ASB11: variants seen among roughly 807,000 people sequenced by gnomAD.
ASB11 encodes ankyrin repeat and SOCS box protein 11.
ASB11 carries 17 observed loss-of-function variants against 20.1 expected under a neutral mutation model. The ratio of observed to expected loss-of-function variants is 0.85; its 90% CI spans 0.58 to 1.27. The LOEUF is 1.27. Among genes scored for constraint, ASB11 ranks in the 50% most tolerant of loss-of-function variants. ASB11 has a pLI of 0.00. For synonymous variants in ASB11, 107 were observed against 105.6 expected, an observed-to-expected ratio of 1.01 and a Z score of -0.08; for missense variants, 259 against 256.9, an observed-to-expected ratio of 1.01 and a Z score of -0.06.
At chrX:15,295,562 G>A (rs1920958986) in intron 3 of ASB11, among the ~76,000 whole-genome samples, 1 of 111,592 alleles carries the variant, frequency 9.0e-6, no homozygotes, top group African/African-American at 3.3e-5. Flanking sequence ...AACCCAAGAT[G>A]AGGAGCAGGT....
intron 5 of ASB11, 63 bp downstream of exon 5, chrX:15,289,441 T>C (rs5935930): frequency 0.4 from 434,868 of 1,081,558 alleles, 62,198 homozygotes; most frequent in South Asian, 0.57. Context: ...AACTTCATCT[T>C]TGAAGCTGTA....
intron 1 of ASB11, among the ~76,000 whole-genome samples, chrX:15,309,132 G>A (rs1326421101): frequency 1.8e-5 from 2 of 110,785 alleles, no homozygotes; most frequent in Non-Finnish European, 3.8e-5. Context: ...GCCCAGGCTG[G>A]TCTTGAACTC....
intron 6 of ASB11, among the ~76,000 whole-genome samples, chrX:15,284,402 T>C (rs1927315356): frequency 9.0e-6 from 1 of 111,255 alleles, no homozygotes; most frequent in African/African-American, 3.3e-5. Flanking sequence ...AAGTTCCACC[T>C]GCGTGGTGAC....
At chrX:15,298,684 T>A (rs1351552091) in intron 2 of ASB11, among the ~76,000 whole-genome samples, 2 of 111,482 alleles carry the variant, frequency 1.8e-5, no homozygotes, top group African/African-American at 6.5e-5. Flanking sequence ...CAGGCTGGCA[T>A]GGGCCTGCTG....
chrX:15,283,785 C>CA, intron 6 of ASB11, among the ~76,000 whole-genome samples, 156 bp from the exon 7 acceptor site: 1 of 111,625 alleles, frequency 9.0e-6, no homozygotes, highest in Middle Eastern at 4.7e-3. Flanking sequence ...ACACTAAATA[C>CA]AGACAGCAGA....
At chrX:15,293,786 A>C (rs1004713209) in intron 3 of ASB11, among the ~76,000 whole-genome samples, 18 of 108,195 alleles carry the variant, frequency 1.7e-4, no homozygotes, top group African/African-American at 5.7e-4. Context: ...CCAAAGGGAC[A>C]TAGAAAATAG....
At chrX:15,289,234 G>A (rs773954903) in intron 5 of ASB11, among the ~76,000 whole-genome samples, 2 of 112,580 alleles carry the variant, frequency 1.8e-5, no homozygotes, top group South Asian at 7.3e-4. Context: ...TTCTTGCTGC[G>A]TATGGATAAG....
chrX:15,294,420 G>T (rs142502781), intron 3 of ASB11, among the ~76,000 whole-genome samples: 10,175 of 112,021 alleles, frequency 0.091, 376 homozygotes, highest in Middle Eastern at 0.17. Context: ...ATCCAGGCTG[G>T]AGTGCAGTGT....
At chrX:15,292,349 T>C (rs1902297307) in intron 4 of ASB11, among the ~76,000 whole-genome samples, 2 of 111,693 alleles carry the variant, frequency 1.8e-5, no homozygotes, top group Admixed American at 1.9e-4. Context: ...TATTCTAGAG[T>C]GTTTTAACTT....
At chrX:15,291,925 C>T (rs1008594557) in intron 4 of ASB11, 5 of 105,212 alleles carry the variant, frequency 4.8e-5, no homozygotes, top group Non-Finnish European at 9.7e-5. Flanking sequence ...ATCCCAGCTA[C>T]TTGGGAGGCT....
At chrX:15,314,985 CA>C (rs975460723) in intron 1 of ASB11, among the ~76,000 whole-genome samples, 1 of 110,574 alleles carries the variant, frequency 9.0e-6, no homozygotes, top group African/African-American at 3.3e-5. Context: ...CAAATGACAG[CA>C]AAAAAAATAC....
At chrX:15,304,141 A>G (rs1921158863) in intron 1 of ASB11, among the ~76,000 whole-genome samples, 1 of 113,049 alleles carries the variant, frequency 8.8e-6, no homozygotes, top group African/African-American at 3.2e-5. Flanking sequence ...TGATGGTGTT[A>G]AAAACTCAGG....
At chrX:15,304,835 A>T (rs775054234) in intron 1 of ASB11, among the ~76,000 whole-genome samples, 8 of 112,008 alleles carry the variant, frequency 7.1e-5, no homozygotes, top group Admixed American at 6.6e-4. Flanking sequence ...AGATTATGCC[A>T]CTGTACTCTG....
At chrX:15,297,547 A>T (rs761123090) in intron 3 of ASB11, 27 bp downstream of exon 3, 152 of 1,106,030 alleles carry the variant, frequency 1.4e-4, no homozygotes, top group Non-Finnish European at 1.8e-4. Flanking sequence ...GGCCAGACAG[A>T]CCCAAGTGGG....
intron 2 of ASB11, among the ~76,000 whole-genome samples, chrX:15,297,931 C>A (rs1020839531): frequency 1.8e-5 from 2 of 112,114 alleles, no homozygotes; most frequent in Admixed American, 9.5e-5. Context: ...AATATTAGTA[C>A]CATAGAGAGA....
At chrX:15,290,432 G>A (rs1191887573) in intron 4 of ASB11, among the ~76,000 whole-genome samples, 1 of 111,812 alleles carries the variant, frequency 8.9e-6, no homozygotes, top group African/African-American at 3.3e-5. Context: ...ACAGTACTTT[G>A]GTTAGTCTGA....
Position 15,289,571 on chromosome X carries a change from G to A in ASB11, c.588C>T (p.Leu196=), listed in dbSNP as rs905915994. 8.3e-6 allele frequency: 10 copies of A among 1,206,761 alleles called. No homozygotes were observed. Among genetic ancestry groups the A allele is most frequent in the African/African-American group, 5.3e-5 (3 of 57,000 alleles). The change falls in exon 5 of 7, where the codon CTC becomes CTT. Residue 196 remains leucine, a synonymous_variant. Coordinates refer to ENST00000480796, the MANE Select transcript of ASB11 (RefSeq NM_080873.3). ...NVNIDHEVPQ[L]GTPLYVACTY... is the part of the protein sequence containing the mutation. The stretch of plus-strand genomic sequence containing the variant: ...TGCAGGCCACATATAGGGGAGTTCC[G>A]AGCTGAGGCACCTCATGGTCAATGT...
chrX:15,297,665 A>G lies in ASB11; in HGVS notation c.278T>C (p.Leu93Pro), dbSNP rs1920980700. 1.7e-6 allele frequency: 2 copies of G among 1,207,046 alleles called. No individual in the cohort carries two copies. The highest frequency in any genetic ancestry group is 2.2e-6 in the Non-Finnish European group (2 of 892,551). Residue 93 changes from leucine (L) to proline (P), a missense_variant, in exon 3 of 7, where the codon CTT becomes CCT. Coordinates refer to ENST00000480796, the MANE Select transcript of ASB11 (RefSeq NM_080873.3). Reference protein sequence around the residue: ...TLIAQGVNVNLVTINRVSSLH... With the variant: ...TLIAQGVNVNPVTINRVSSLH... The stretch of plus-strand genomic sequence containing the variant: ...AGAAGACACCCGGTTAATTGTCACA[A>G]GGTTCACATTGACACCCTATAATTT...
At position 15,305,952 on chromosome X, in the gene ASB11, T is replaced by C. The variant is rs752795626; in HGVS notation, c.182-3145A>G. The stretch of plus-strand genomic sequence containing the variant: ...CCCTCCACCCTCCAATAGGCCCCAG[T>C]GTATGTTGTTCCCCTCTACGTGTCC... On this transcript the variant is annotated intron_variant, in intron 1 of 6. Coordinates refer to ENST00000480796, the MANE Select transcript of ASB11 (RefSeq NM_080873.3). 2.7e-5 allele frequency among the ~76,000 whole-genome samples: 3 copies of C among 111,152 alleles called. No homozygotes were observed. The Admixed American group carries it at 2.9e-4, about 11-fold the overall frequency.
Sources: allele counts gnomAD v4.1 joint callset (sites outside exome capture counted in the v4.1 genomes callset), GRCh38; gene constraint gnomAD v4.1.1; transcripts MANE v1.5; gene names NCBI Gene and HGNC (gene_info 2026-07-23, HGNC 2026-07-21).